The following STX18 variants were observed in gnomAD, a reference collection of about 807,000 sequenced individuals.
The protein encoded by STX18 is syntaxin-18.
Under a neutral mutation model 50.1 loss-of-function variants are expected in STX18, and 40 were observed. That is an observed-to-expected ratio of 0.80 (90% CI 0.62 to 1.04). The LOEUF is 1.04. Among genes scored for constraint, STX18 ranks in the 50% least tolerant of loss-of-function variants. STX18 has a pLI of 0.00. For missense variants in STX18, 410 were observed against 415.8 expected, an observed-to-expected ratio of 0.99 and a Z score of 0.12; for synonymous variants, 158 against 151.8, an observed-to-expected ratio of 1.04 and a Z score of -0.30.
intron 1 of STX18, among the ~76,000 whole-genome samples, chr4:4,496,307 T>A (rs1022411838): frequency 6.6e-6 from 1 of 151,998 alleles, no homozygotes; most frequent in Non-Finnish European, 1.5e-5. Context: ...AACTTGATAA[T>A]CCCCCATCTC....
At chr4:4,487,200 A>G (rs1019891240) in intron 1 of STX18, among the ~76,000 whole-genome samples, 1 of 152,136 alleles carries the variant, frequency 6.6e-6, no homozygotes, top group African/African-American at 2.4e-5. Context: ...TTTCTAGCTC[A>G]GCACCCGCAG....
chr4:4,510,268 AAC>A (rs1729935292), intron 1 of STX18, among the ~76,000 whole-genome samples: 1 of 152,212 alleles, frequency 6.6e-6, no homozygotes, highest in South Asian at 2.1e-4. Context: ...GAGGAAGAGA[AAC>A]ACAGATCATC....
intron 1 of STX18, among the ~76,000 whole-genome samples, chr4:4,532,558 T>G (rs1019947482): frequency 6.6e-6 from 1 of 152,062 alleles, no homozygotes. Flanking sequence ...TATTTAAAAA[T>G]ACATCCTGGG....
rs115555404 is a variant in STX18, at chr4:4,431,552, C to T, written c.702+3218G>A. Among the ~76,000 whole-genome samples the T allele has an allele frequency of 3.1e-3, 475 of 152,240 alleles. 2 individuals carry two copies. The highest frequency in any genetic ancestry group is 0.011 in the African/African-American group (442 of 41,520). ...TTCATCATGTTTCTAGAGAGCCTCA[C>T]GCAAGCCCATCCTTCAAACATCAGC... On this transcript the variant is annotated intron_variant, in intron 7 of 10. Coordinates refer to ENST00000306200, the MANE Select transcript of STX18 (RefSeq NM_016930.4).
At chr4:4,502,547 A>G (rs1452146380) in intron 1 of STX18, among the ~76,000 whole-genome samples, 1 of 152,194 alleles carries the variant, frequency 6.6e-6, no homozygotes, top group African/African-American at 2.4e-5. Context: ...TTTTACATAA[A>G]AAGTTTTTCC....
intron 1 of STX18, among the ~76,000 whole-genome samples, chr4:4,515,700 C>G (rs1362373287): frequency 6.6e-6 from 1 of 152,098 alleles, no homozygotes; most frequent in African/African-American, 2.4e-5. Flanking sequence ...TACAACCCAA[C>G]TGGAAATTAC....
chr4:4,511,635 T>A (rs535752998), intron 1 of STX18, among the ~76,000 whole-genome samples: 1 of 151,992 alleles, frequency 6.6e-6, no homozygotes, highest in Non-Finnish European at 1.5e-5. Context: ...CGTATTTGTA[T>A]ACTAGGGCAG....
intron 1 of STX18, among the ~76,000 whole-genome samples, chr4:4,491,797 G>A (rs909083362): frequency 1.3e-5 from 2 of 151,968 alleles, no homozygotes; most frequent in African/African-American, 2.4e-5. Context: ...TAAAGGTAAT[G>A]AAACTAAAAA....
At position 4,500,693 on chromosome 4, in the gene STX18, C is replaced by T. The variant is rs1729409561; in HGVS notation, c.169-28987G>A. Among the ~76,000 whole-genome samples the T allele has an allele frequency of 1.3e-5, 2 of 152,136 alleles. 1 individual carries two copies. The highest frequency in any genetic ancestry group is 6.3e-3 in the Middle Eastern group (2 of 316). On this transcript the variant is annotated intron_variant, in intron 1 of 10. Coordinates refer to ENST00000306200, the MANE Select transcript of STX18 (RefSeq NM_016930.4). ...CCATGAGTACATGTAATTACAAATT[C>T]TTCTAAAAAATTACCTTCAATGGCT...
chr4:4,526,512 A>T (rs1472316741), intron 1 of STX18, among the ~76,000 whole-genome samples: 1 of 152,244 alleles, frequency 6.6e-6, no homozygotes, highest in Non-Finnish European at 1.5e-5. Context: ...ACAAGCTGGA[A>T]CAACAACAAA....
At chr4:4,509,705 C>T (rs916160759) in intron 1 of STX18, among the ~76,000 whole-genome samples, 1 of 151,908 alleles carries the variant, frequency 6.6e-6, no homozygotes, top group Non-Finnish European at 1.5e-5. Flanking sequence ...AAAAGTAATG[C>T]AAAGTAAGGG....
At chr4:4,515,135 AG>A (rs1377601064) in intron 1 of STX18, among the ~76,000 whole-genome samples, 1 of 152,172 alleles carries the variant, frequency 6.6e-6, no homozygotes, top group Non-Finnish European at 1.5e-5. Context: ...AGTCCTTAAA[AG>A]TTCCAAAGGA....
intron 7 of STX18, 90 bp downstream of exon 7, chr4:4,434,680 G>T: frequency 2.0e-6 from 2 of 1,016,264 alleles, no homozygotes; most frequent in East Asian, 2.7e-5. Context: ...TAAAAATAAG[G>T]GCAAGGGCAT....
chr4:4,463,077 T>C (rs1242120607), intron 2 of STX18, among the ~76,000 whole-genome samples: 2 of 152,260 alleles, frequency 1.3e-5, no homozygotes, highest in African/African-American at 4.8e-5. Flanking sequence ...TCTTTTCACA[T>C]TGCATTTGAA....
At position 4,506,010 on chromosome 4, in the gene STX18, T is replaced by C. The variant is rs540624779; in HGVS notation, c.169-34304A>G. Reference sequence around the variant, plus strand: ...TAGCAGGTACCAGTACTTCATTTTTTATTGCCAAATAATATTCCATTGTAT... The same window carrying C: ...TAGCAGGTACCAGTACTTCATTTTTCATTGCCAAATAATATTCCATTGTAT... On this transcript the variant is annotated intron_variant, in intron 1 of 10. Coordinates refer to ENST00000306200, the MANE Select transcript of STX18 (RefSeq NM_016930.4). 6.6e-5 allele frequency among the ~76,000 whole-genome samples: 10 copies of C among 152,350 alleles called. No homozygotes were observed. The South Asian group carries it at 8.3e-4, about 13-fold the overall frequency.
rs1320657461 is a variant in STX18 at position 4,418,972 on chromosome 4, C to T, written c.*1062G>A. ...AGTGCAGAGGCCGAGCCTGTATTTC[C>T]AGGTAGACGTGGACTTTATTGACTG... On this transcript the variant is annotated 3_prime_UTR_variant, in exon 11 of 11. Coordinates refer to ENST00000306200, the MANE Select transcript of STX18 (RefSeq NM_016930.4). The T allele has an allele frequency of 1.3e-5, 2 of 152,232 alleles. No individual in the cohort carries two copies. Among genetic ancestry groups the T allele is most frequent in the Non-Finnish European group, 2.9e-5 (2 of 68,050 alleles). 9.4% of individuals were successfully genotyped at this position (152,232 alleles called of 1,614,324 possible).
intron 2 of STX18, among the ~76,000 whole-genome samples, chr4:4,462,731 A>G (rs556990819): frequency 6.6e-6 from 1 of 152,040 alleles, no homozygotes; most frequent in Non-Finnish European, 1.5e-5. Context: ...GAATGAGGCG[A>G]TGTACCTAAC....
intron 1 of STX18, among the ~76,000 whole-genome samples, chr4:4,511,553 A>G (rs1730004650): frequency 6.6e-6 from 1 of 152,194 alleles, no homozygotes; most frequent in Non-Finnish European, 1.5e-5. Context: ...TAGGTACCCA[A>G]GGCAGTCTAG....
intron 1 of STX18, among the ~76,000 whole-genome samples, chr4:4,517,845 G>A (rs1375049602): frequency 6.6e-6 from 1 of 151,364 alleles, no homozygotes; most frequent in Non-Finnish European, 1.5e-5. Flanking sequence ...TGTGGTCTTG[G>A]CTCACTGCAA....
Sources: gnomAD v4.1 joint callset for allele counts (sites outside exome capture counted in the v4.1 genomes callset) on GRCh38, gnomAD v4.1.1 for gene constraint, MANE v1.5 for transcripts, NCBI Gene and HGNC (gene_info 2026-07-23, HGNC 2026-07-21) for gene names.